The following WDR62 variants were observed in gnomAD, a reference collection of about 807,000 sequenced individuals.
The protein encoded by WDR62 is WD repeat-containing protein 62.
WDR62 carries 112 observed loss-of-function variants against 160.6 expected under a neutral mutation model. The ratio of observed to expected loss-of-function variants is 0.70; its 90% CI spans 0.60 to 0.82. The LOEUF (loss-of-function observed/expected upper bound fraction) is 0.82, where lower values mean the gene tolerates loss of function less well. Ranked by LOEUF, WDR62 falls within the 40% of genes least tolerant of loss-of-function variation. The pLI is 0.00. For missense variants in WDR62, 1,819 were observed against 1,983.8 expected (o/e 0.92, Z 1.58); for synonymous variants, 792 against 815.1 (o/e 0.97, Z 0.48).
At chr19:36,091,153 G>T in intron 16 of WDR62, 47 bp from the exon 17 acceptor site, 1 of 1,543,174 alleles carries the variant, frequency 6.5e-7, no homozygotes, top group Non-Finnish European at 8.9e-7. Context: ...CTCATCATAA[G>T]GAAGAAGCAG....
intron 9 of WDR62, among the ~76,000 whole-genome samples, chr19:36,078,959 C>T (rs1222912243): frequency 7.0e-6 from 1 of 143,158 alleles, no homozygotes; most frequent in African/African-American, 2.6e-5. Context: ...TGGTCCTTTC[C>T]TGTTGTTCAT....
Position 36,065,986 on chromosome 19 carries a change from C to G in WDR62, c.361C>G (p.Pro121Ala). The change falls in exon 4 of 32, where the codon CCT becomes GCT. Residue 121 changes from proline to alanine, a missense_variant. By Grantham distance (27) the Pro-to-Ala change is conservative. This residue lies in a region of WDR62 where 934 missense variants were observed against 1,157.2 expected (regional missense o/e 0.81). Transcript: ENST00000401500. Reference sequence around the variant, plus strand: ...GTCTCTCAGTGCTCTGGCCTTCTCCCCTGATGGGAAGTACATAGTGACAGG... The same window carrying G: ...GTCTCTCAGTGCTCTGGCCTTCTCCGCTGATGGGAAGTACATAGTGACAGG... The part of the protein sequence containing the change: ...RKSLSALAFS[P>A]DGKYIVTGEN... The G allele has an allele frequency of 5.0e-6, 8 of 1,614,192 alleles. No homozygotes were observed. Among genetic ancestry groups the G allele is most frequent in the Non-Finnish European group, 6.8e-6 (8 of 1,180,040 alleles).
At chr19:36,089,425 G>C in intron 15 of WDR62, 119 bp downstream of exon 15, 1 of 1,540,564 alleles carries the variant, frequency 6.5e-7, no homozygotes, top group Non-Finnish European at 8.9e-7. Context: ...GACCCAGCAG[G>C]TGTTCCTTCT....
At chr19:36,092,315 A>G (rs1972667226) in intron 18 of WDR62, among the ~76,000 whole-genome samples, 1 of 152,116 alleles carries the variant, frequency 6.6e-6, no homozygotes, top group South Asian at 2.1e-4. Context: ...TCTCAAAAAA[A>G]AAAAAAAAAG....
intron 9 of WDR62, among the ~76,000 whole-genome samples, chr19:36,080,967 G>C (rs574955413): frequency 1.7e-4 from 26 of 152,114 alleles, no homozygotes; most frequent in Non-Finnish European, 2.4e-4. Context: ...TTGTCTGTCT[G>C]TTTGTTTTGA....
intron 7 of WDR62, among the ~76,000 whole-genome samples, chr19:36,069,838 AAAT>A (rs2145610865): frequency 6.6e-6 from 1 of 152,292 alleles, no homozygotes; most frequent in Non-Finnish European, 1.5e-5. Context: ...GAGACCAAAA[AAAT>A]ACGAAAACCA....
chr19:36,086,123 G>GC (rs1263710832), intron 12 of WDR62, among the ~76,000 whole-genome samples: 1 of 152,058 alleles, frequency 6.6e-6, no homozygotes, highest in Admixed American at 6.5e-5. Flanking sequence ...CATGCTGTGT[G>GC]CCCCACCAAC....
At position 36,104,993 on chromosome 19, in the gene WDR62, G is replaced by A; in HGVS notation, c.4537G>A (p.Val1513Met). 6.2e-7 allele frequency: 1 copy of A among 1,601,876 alleles called. No homozygotes were observed. Among genetic ancestry groups the A allele is most frequent in the African/African-American group, 1.3e-5 (1 of 74,940 alleles). ...ALLEHYSELLVQAVRRKARGH is the reference protein window; with the variant it reads ...ALLEHYSELLMQAVRRKARGH ...GCTGGAACACTACTCGGAGCTGCTG[G>A]TGCAGGCCGTGCGGAGGAAGGCACG... Residue 1513 changes from valine (V) to methionine (M), a missense_variant, in exon 32 of 32, where the codon GTG (valine) becomes ATG (methionine). This residue lies in a region of WDR62 where 770 missense variants were observed against 734.2 expected (regional missense o/e 1.05). Transcript: ENST00000401500.
At chr19:36,097,891 T>C (rs1973070490) in intron 21 of WDR62, among the ~76,000 whole-genome samples, 1 of 149,700 alleles carries the variant, frequency 6.7e-6, no homozygotes, top group South Asian at 2.1e-4. Flanking sequence ...ATAAAAAAAA[T>C]AAAAATAAAA....
Position 36,101,668 on chromosome 19 carries a change from G to A in WDR62, c.2976G>A (p.Ser992=), listed in dbSNP as rs757294519. ...SPKDQSPPED[S]GESEADLECS... ...GACCCCGACTCTGTCCTTCAGACTC[G>A]GGGGAGTCAGAGGCCGACCTGGAGT... is the stretch of plus-strand genomic sequence containing the variant. Residue 992 remains serine (S), a synonymous_variant, in exon 25 of 32, where the codon TCG becomes TCA. Coordinates refer to ENST00000401500, the MANE Select transcript of WDR62 (RefSeq NM_001083961.2). 1,187 of 1,550,092 alleles carry A rather than the reference G, an allele frequency of 7.7e-4. No homozygotes were observed. The highest frequency in any genetic ancestry group is 9.3e-4 in the Non-Finnish European group (1,068 of 1,146,184).
At chr19:36,063,190 G>A (rs190511683) in intron 3 of WDR62, among the ~76,000 whole-genome samples, 59 of 152,264 alleles carry the variant, frequency 3.9e-4, no homozygotes, top group Non-Finnish European at 6.5e-4. Context: ...TGATCCGCCC[G>A]CCTTGGCCTC....
chr19:36,060,169 C>T, intron 3 of WDR62, 139 bp downstream of exon 3: 1 of 884,480 alleles, frequency 1.1e-6, no homozygotes, highest in Non-Finnish European at 1.9e-6. Context: ...TTCGCCTGTG[C>T]TGGGTGCTGT....
intron 5 of WDR62, among the ~76,000 whole-genome samples, chr19:36,066,640 G>T (rs1186954648): frequency 2.0e-5 from 3 of 152,232 alleles, no homozygotes; most frequent in Non-Finnish European, 2.9e-5. Context: ...ATATTGACCA[G>T]CTGTGACCTT....
chr19:36,101,454 C>T, intron 24 of WDR62, 137 bp downstream of exon 24: 1 of 904,652 alleles, frequency 1.1e-6, no homozygotes, highest in Non-Finnish European at 1.8e-6. Context: ...CCTGCTGCTG[C>T]CTGAGGATTC....
chr19:36,056,751 GCCTGAGCTTAAACTTTAGT>G (rs568559146), intron 1 of WDR62, among the ~76,000 whole-genome samples: 127 of 152,252 alleles, frequency 8.3e-4, no homozygotes, highest in African/African-American at 2.8e-3. Flanking sequence ...GACCCAGGCA[GCCTGAGCTTAAACTTTAGT>G]CCTGTTCTTC....
rs141373424 is a variant in WDR62 at position 36,076,635 on chromosome 19, G to A, written c.1233+3104G>A. On this transcript the variant is annotated intron_variant, in intron 9 of 31. Coordinates refer to ENST00000401500, the MANE Select transcript of WDR62 (RefSeq NM_001083961.2). ...ACAAATTGGGACTTCAGAATCACAGGTTGGGTGTTAGGGATGCTCATCGCT... is the reference window on the plus strand; with the variant it reads ...ACAAATTGGGACTTCAGAATCACAGATTGGGTGTTAGGGATGCTCATCGCT... Among the ~76,000 whole-genome samples, 12 of 152,050 alleles carry A rather than the reference G, an allele frequency of 7.9e-5. No homozygotes were observed. The East Asian group carries it at 2.3e-3, about 29-fold the overall frequency.
chr19:36,101,076 A>G, intron 23 of WDR62, 138 bp from the exon 24 acceptor site: 4 of 1,154,496 alleles, frequency 3.5e-6, no homozygotes, highest in Non-Finnish European at 5.1e-6. Flanking sequence ...AGGAGGGGGC[A>G]TTTGGAGGAG....
At chr19:36,069,856 G>A (rs536559609) in intron 7 of WDR62, among the ~76,000 whole-genome samples, 1 of 152,262 alleles carries the variant, frequency 6.6e-6, no homozygotes, top group South Asian at 2.1e-4. Flanking sequence ...AAACCAGTCA[G>A]GCGTGGCGGC....
At chr19:36,105,836 T>C (rs1485287714), downstream of WDR62, among the ~76,000 whole-genome samples, 1 of 151,922 alleles carries the variant, frequency 6.6e-6, no homozygotes, top group African/African-American at 2.4e-5. Flanking sequence ...GTAGCTGGGA[T>C]TACAGGCACC....
Sources: gnomAD v4.1 joint callset for allele counts (sites outside exome capture counted in the v4.1 genomes callset) on GRCh38, gnomAD v4.1.1 for gene constraint, gnomAD v4.1.1 regional missense constraint, MANE v1.5 for transcripts, NCBI Gene and HGNC (gene_info 2026-07-23, HGNC 2026-07-21) for gene names.